The following TMC1 variants were observed in gnomAD, a reference collection of about 807,000 sequenced individuals.
TMC1 encodes the protein transmembrane channel like 1, also known as transmembrane channel-like protein 1.
A neutral mutation model predicts 105.8 loss-of-function variants in TMC1; 84 were observed. The ratio of observed to expected loss-of-function variants is 0.79; its 90% CI spans 0.67 to 0.95. The LOEUF is 0.95. Among genes scored for constraint, TMC1 ranks in the 40% least tolerant of loss-of-function variants. TMC1 has a pLI of 0.00. For missense variants in TMC1, 817 were observed against 914.1 expected, an observed-to-expected ratio of 0.89 and a Z score of 1.37; for synonymous variants, 315 against 311.5, an observed-to-expected ratio of 1.01 and a Z score of -0.12.
chr9:72,713,684 T>TAATAA (rs1407684056), intron 8 of TMC1, among the ~76,000 whole-genome samples: 2 of 151,320 alleles, frequency 1.3e-5, no homozygotes, highest in Non-Finnish European at 3.0e-5. Flanking sequence ...TTAGTCTGGC[T>TAATAA]AGTTGTTGAT....
At chr9:72,522,916 G>A (rs1044328436) in intron 1 of TMC1, among the ~76,000 whole-genome samples, 1 of 152,150 alleles carries the variant, frequency 6.6e-6, no homozygotes, top group African/African-American at 2.4e-5. Context: ...CCTGTGCACT[G>A]TAGGATGTTT....
intron 17 of TMC1, among the ~76,000 whole-genome samples, chr9:72,800,489 GATTA>G (rs908272713): frequency 1.3e-5 from 2 of 152,128 alleles, no homozygotes; most frequent in African/African-American, 4.8e-5. Context: ...TGAAGGAATG[GATTA>G]ATTAGATAGG....
chr9:72,831,895 C>T (rs1829048048), intron 23 of TMC1, among the ~76,000 whole-genome samples: 1 of 151,926 alleles, frequency 6.6e-6, no homozygotes, highest in African/African-American at 2.4e-5. Context: ...CCGCAATAAA[C>T]ATACGTGTGC....
At chr9:72,601,017 C>T (rs1824801628) in intron 2 of TMC1, among the ~76,000 whole-genome samples, 1 of 152,180 alleles carries the variant, frequency 6.6e-6, no homozygotes, top group Non-Finnish European at 1.5e-5. Flanking sequence ...GTTCCAAATA[C>T]AGGTTGAATA....
chr9:72,796,983 C>T (rs538278224), intron 17 of TMC1, among the ~76,000 whole-genome samples: 8 of 152,176 alleles, frequency 5.3e-5, no homozygotes, highest in Admixed American at 2.6e-4. Flanking sequence ...CCCATTACCC[C>T]GGCCCAAAAG....
intron 1 of TMC1, among the ~76,000 whole-genome samples, chr9:72,562,980 A>G (rs1587959490): frequency 2.0e-5 from 3 of 152,192 alleles, no homozygotes; most frequent in Admixed American, 2.0e-4. Flanking sequence ...AAATAAAATA[A>G]AAAATAAAGA....
In TMC1 at chr9:72,593,068, T is replaced by C. The variant is rs1046498777; in HGVS notation, c.-306+15045T>C. ...TGAGTAAAATTCTTTAGAGTGAAGA[T>C]AGAATTTCTTTTGAAATGGTTGGAA... is the stretch of plus-strand genomic sequence containing the variant. On this transcript the variant is annotated intron_variant, in intron 2 of 23. Transcript: ENST00000297784. Among the ~76,000 whole-genome samples, 12 of 152,296 alleles carry C rather than the reference T, an allele frequency of 7.9e-5. 1 individual carries two copies. In the South Asian group the frequency reaches 8.3e-4, roughly 11 times the overall value.
At chr9:72,559,376 G>C (rs1297204490) in intron 1 of TMC1, among the ~76,000 whole-genome samples, 1 of 152,178 alleles carries the variant, frequency 6.6e-6, no homozygotes, top group African/African-American at 2.4e-5. Flanking sequence ...TTACAGGCGT[G>C]AGCCACTGTG....
intron 20 of TMC1, among the ~76,000 whole-genome samples, chr9:72,824,739 A>G (rs1439710780): frequency 6.6e-6 from 1 of 152,230 alleles, no homozygotes; most frequent in African/African-American, 2.4e-5. Flanking sequence ...TAGAAACCCA[A>G]CTAGGAAAGG....
intron 1 of TMC1, among the ~76,000 whole-genome samples, chr9:72,522,395 C>T (rs943507455): frequency 2.6e-5 from 4 of 152,208 alleles, no homozygotes; most frequent in Non-Finnish European, 5.9e-5. Context: ...GCCACCGCAC[C>T]TGGCCTAATT....
intron 1 of TMC1, among the ~76,000 whole-genome samples, chr9:72,555,187 G>C (rs1823909403): frequency 8.0e-6 from 1 of 125,324 alleles, no homozygotes; most frequent in Admixed American, 8.4e-5. Context: ...TCTGAGTTTT[G>C]ATTCTGTTTT....
At chr9:72,570,673 T>G (rs1184250039) in intron 1 of TMC1, among the ~76,000 whole-genome samples, 1 of 139,888 alleles carries the variant, frequency 7.1e-6, no homozygotes, top group Non-Finnish European at 1.5e-5. Flanking sequence ...TTTGCCAAAT[T>G]TCCTTTTTTT....
chr9:72,743,370 A>G (rs1266863926), intron 10 of TMC1, among the ~76,000 whole-genome samples: 4 of 84,088 alleles, frequency 4.8e-5, no homozygotes, highest in Admixed American at 1.0e-4. Flanking sequence ...CCGTCTCACA[A>G]AAAAAAAAAA....
chr9:72,694,260 C>A (rs565671519), intron 6 of TMC1, among the ~76,000 whole-genome samples: 1 of 152,114 alleles, frequency 6.6e-6, no homozygotes, highest in Non-Finnish European at 1.5e-5. Context: ...TTTAGTTACT[C>A]AAGTAAATGA....
intron 1 of TMC1, among the ~76,000 whole-genome samples, chr9:72,522,781 T>C (rs1218884412): frequency 6.6e-6 from 1 of 152,208 alleles, no homozygotes; most frequent in East Asian, 1.9e-4. Flanking sequence ...CTGGACACTG[T>C]CTGTGGAGCT....
chr9:72,791,504 C>G (rs1410571811), intron 15 of TMC1, among the ~76,000 whole-genome samples: 1 of 152,150 alleles, frequency 6.6e-6, no homozygotes, highest in African/African-American at 2.4e-5. Context: ...CAGTTTGAAC[C>G]TCCTCCTCAA....
intron 1 of TMC1, among the ~76,000 whole-genome samples, chr9:72,574,169 T>G (rs1824335636): frequency 1.3e-5 from 2 of 152,276 alleles, no homozygotes; most frequent in Non-Finnish European, 2.9e-5. Context: ...AGAGTGGCCA[T>G]GCTCCATGCT....
chr9:72,674,401 A>G (rs1373304439), intron 5 of TMC1, among the ~76,000 whole-genome samples: 3 of 152,250 alleles, frequency 2.0e-5, no homozygotes, highest in African/African-American at 7.2e-5. Context: ...ATAAAGCTAC[A>G]GTAATCAAGA....
intron 5 of TMC1, chr9:72,651,526 G>C (rs1490410257): frequency 6.6e-6 from 1 of 152,098 alleles, no homozygotes; most frequent in African/African-American, 2.4e-5. Context: ...GGTTGGGGCT[G>C]GGATTTGGGC....
Sources: gnomAD v4.1 joint callset for allele counts (sites outside exome capture counted in the v4.1 genomes callset) on GRCh38, gnomAD v4.1.1 for gene constraint, MANE v1.5 for transcripts, NCBI Gene and HGNC (gene_info 2026-07-23, HGNC 2026-07-21) for gene names.